Variants in OSBPL10 observed in about 807,000 individuals in gnomAD.
OSBPL10 encodes the protein oxysterol-binding protein-related protein 10.
In OSBPL10, 49 loss-of-function variants were observed where a neutral mutation model predicts 81.7. The observed-to-expected ratio is 0.60, with a 90% CI of 0.48 to 0.76. OSBPL10 has a LOEUF of 0.76. OSBPL10 is among the 30% of genes least tolerant of loss of function. The probability of loss-of-function intolerance (pLI) is 0.00; values close to 1 mark genes in which losing one functional copy is unlikely to be tolerated. For missense variants in OSBPL10, 923 were observed against 987.8 expected (o/e 0.93, Z 0.88); for synonymous variants, 419 against 383.6 (o/e 1.09, Z -1.08).
intron 7 of OSBPL10, among the ~76,000 whole-genome samples, chr3:31,697,559 AAAAT>A (rs1695763530): frequency 6.6e-6 from 1 of 152,250 alleles, no homozygotes; most frequent in South Asian, 2.1e-4. Context: ...AATAAAACAA[AAAAT>A]AAAAAACAAT....
chr3:32,034,207 G>A (rs1031831671), intron 2 of OSBPL10, among the ~76,000 whole-genome samples: 2 of 152,002 alleles, frequency 1.3e-5, no homozygotes, highest in Admixed American at 1.3e-4. Context: ...GGGATTACGG[G>A]GATTACAATT....
intron 7 of OSBPL10, among the ~76,000 whole-genome samples, chr3:31,685,003 T>C (rs893160310): frequency 7.2e-5 from 11 of 152,108 alleles, no homozygotes; most frequent in Non-Finnish European, 1.2e-4. Flanking sequence ...ATCCAGGTGG[T>C]CACTCAGGGG....
chr3:32,067,972 C>G (rs977617424), intron 1 of OSBPL10, among the ~76,000 whole-genome samples: 3 of 152,192 alleles, frequency 2.0e-5, no homozygotes, highest in African/African-American at 7.2e-5. Context: ...TTCAAGAGAC[C>G]AGTTCCCTGT....
At chr3:31,761,910 A>G (rs570333007) in intron 4 of OSBPL10, among the ~76,000 whole-genome samples, 32 of 151,946 alleles carry the variant, frequency 2.1e-4, no homozygotes, top group African/African-American at 7.5e-4. Flanking sequence ...GCACCAGCAC[A>G]TGGGGGTGTG....
chr3:31,985,622 G>T (rs1404735747), upstream of OSBPL10, among the ~76,000 whole-genome samples: 1 of 152,148 alleles, frequency 6.6e-6, no homozygotes, highest in Non-Finnish European at 1.5e-5. Flanking sequence ...GTAAGTGAGT[G>T]GACATTGACT....
rs1025671498 is a variant in OSBPL10 at position 32,061,765 on chromosome 3, A to T, written n.186-15162T>A. On this transcript the variant is annotated intron_variant and non_coding_transcript_variant, in intron 1 of 3. Transcript: ENST00000479173. ...GCCATCCTCCCACCTCAGCCTCCTA[A>T]GTAGCTGGGACTACAGGCTTGTGCC... 8.8e-5 allele frequency among the ~76,000 whole-genome samples: 8 copies of T among 90,872 alleles called. 3 individuals carry two copies. Among genetic ancestry groups the T allele is most frequent in the African/African-American group, 2.3e-4 (8 of 35,482 alleles). The allele number at this position is 90,872 out of a possible 152,430, so 59.6% of individuals were successfully genotyped here.
intron 1 of OSBPL10, among the ~76,000 whole-genome samples, chr3:31,924,447 T>C (rs1697012524): frequency 6.6e-6 from 1 of 152,064 alleles, no homozygotes; most frequent in African/African-American, 2.4e-5. Flanking sequence ...CAAGACTTCC[T>C]GGAAGACAGA....
chr3:31,843,232 C>A (rs1432422596), intron 3 of OSBPL10, among the ~76,000 whole-genome samples: 2 of 152,224 alleles, frequency 1.3e-5, no homozygotes, highest in African/African-American at 4.8e-5. Context: ...AGAGAGTTAA[C>A]CCCACCTACC....
At chr3:31,688,281 TCTCACACACACACACACA>T (rs1252507997) in intron 7 of OSBPL10, among the ~76,000 whole-genome samples, 4 of 113,910 alleles carry the variant, frequency 3.5e-5, no homozygotes, top group African/African-American at 9.7e-5. Flanking sequence ...TCTCTCTCTC[TCTCACACACACACACACA>T]CACACACACA....
At chr3:31,753,786 T>C (rs540288588) in intron 4 of OSBPL10, among the ~76,000 whole-genome samples, 2 of 152,354 alleles carry the variant, frequency 1.3e-5, no homozygotes, top group East Asian at 1.9e-4. Flanking sequence ...TTAATCTTAA[T>C]CCTAATCAAG....
rs868349815 is a variant in OSBPL10 at position 31,965,898 on chromosome 3, A to C, written c.281+15001T>G. On this transcript the variant is annotated intron_variant, in intron 1 of 11. Coordinates refer to ENST00000396556, the MANE Select transcript of OSBPL10 (RefSeq NM_017784.5). ...ATATAAAATAGATAACATATATTAT[A>C]TATTATATAAAATAGATAATATATA... 5.1e-4 allele frequency among the ~76,000 whole-genome samples: 58 copies of C among 114,724 alleles called. 2 individuals are homozygous for C. The South Asian group carries it at 0.013, about 25-fold the overall frequency. 75.3% of individuals were successfully genotyped at this position (114,724 alleles called of 152,430 possible).
In OSBPL10 at chr3:31,935,372, C is replaced by A. The variant is rs544661119; in HGVS notation, c.281+45527G>T. 6.6e-5 allele frequency among the ~76,000 whole-genome samples: 10 copies of A among 151,608 alleles called. No homozygotes were observed. In the South Asian group the frequency reaches 1.9e-3, roughly 28 times the overall value. ...AAACATGTTAAACTTTTTTTTTATACAGTATTTCTCAAAGTTATTTGAACA... is the reference window on the plus strand; with the variant it reads ...AAACATGTTAAACTTTTTTTTTATAAAGTATTTCTCAAAGTTATTTGAACA... On this transcript the variant is annotated intron_variant, in intron 1 of 11. Coordinates refer to ENST00000396556, the MANE Select transcript of OSBPL10 (RefSeq NM_017784.5).
At position 32,062,438 on chromosome 3, in the gene OSBPL10, G is replaced by A. The variant is rs557033712; in HGVS notation, n.185+14958C>T. Among the ~76,000 whole-genome samples, 7 of 94,174 alleles carry A rather than the reference G, an allele frequency of 7.4e-5. 2 individuals carry two copies. The highest frequency in any genetic ancestry group is 7.4e-4 in the East Asian group (3 of 4,078). 61.8% of individuals were successfully genotyped at this position (94,174 alleles called of 152,430 possible). The stretch of plus-strand genomic sequence containing the variant: ...TGGCTATGTTTGTATGGCCCAGTAT[G>A]TTTGTATGGCTATGGTATGTTTTTA... On this transcript the variant is annotated intron_variant and non_coding_transcript_variant, in intron 1 of 3. Transcript: ENST00000479173.
At chr3:32,054,202 G>A (rs188446721) in intron 1 of OSBPL10, among the ~76,000 whole-genome samples, 15 of 152,172 alleles carry the variant, frequency 9.9e-5, no homozygotes, top group Non-Finnish European at 1.5e-4. Context: ...TTAAATCTTT[G>A]ATATTTAATA....
chr3:32,067,688 G>T (rs1559557741), intron 1 of OSBPL10, among the ~76,000 whole-genome samples: 2 of 152,084 alleles, frequency 1.3e-5, no homozygotes, highest in Admixed American at 1.3e-4. Context: ...CAACCCTTAA[G>T]AAGTTTCTTT....
chr3:31,788,414 C>T (rs1238177653), intron 4 of OSBPL10, among the ~76,000 whole-genome samples: 1 of 152,138 alleles, frequency 6.6e-6, no homozygotes, highest in Non-Finnish European at 1.5e-5. Flanking sequence ...AGTCCTTTTC[C>T]TGATTCCATC....
chr3:31,761,820 A>ACAAACAAAC (rs376240243), intron 4 of OSBPL10, among the ~76,000 whole-genome samples: 6,423 of 149,762 alleles, frequency 0.043, 906 homozygotes, highest in African/African-American at 0.14. Flanking sequence ...CTCTAAAAAA[A>ACAAACAAAC]AAAAAAAAAA....
chr3:31,761,549 G>C (rs1358092180), intron 4 of OSBPL10, among the ~76,000 whole-genome samples: 1 of 151,768 alleles, frequency 6.6e-6, no homozygotes, highest in African/African-American at 2.4e-5. Flanking sequence ...TGGTATGGTG[G>C]CTCACGCCTG....
rs572434267 is a variant in OSBPL10 at position 31,915,195 on chromosome 3, CA to C, written c.282-35366del. ...TTAATAAATAGCCATTGAATGGTAA[CA>C]GGGGGGAAAAAAAACCATTACCATG... On this transcript the variant is annotated intron_variant, in intron 1 of 11. Coordinates refer to ENST00000396556, the MANE Select transcript of OSBPL10 (RefSeq NM_017784.5). Among the ~76,000 whole-genome samples, 1,022 of 150,888 alleles carry C rather than the reference CA, an allele frequency of 6.8e-3. 9 individuals are homozygous for C. The highest frequency in any genetic ancestry group is 0.023 in the African/African-American group (935 of 41,106).
Sources: gnomAD v4.1 joint callset for allele counts (sites outside exome capture counted in the v4.1 genomes callset) on GRCh38, gnomAD v4.1.1 for gene constraint, MANE v1.5 for transcripts, NCBI Gene and HGNC (gene_info 2026-07-23, HGNC 2026-07-21) for gene names.